The following PDE1C variants were observed in gnomAD, a reference collection of about 807,000 sequenced individuals.
The protein encoded by PDE1C is phosphodiesterase 1C.
PDE1C carries 62 observed loss-of-function variants against 93.1 expected under a neutral mutation model. The observed-to-expected ratio is 0.67, with a 90% confidence interval of 0.54 to 0.82. PDE1C has a LOEUF of 0.82. Ranked by LOEUF, PDE1C falls within the 40% of genes least tolerant of loss-of-function variation. PDE1C has a pLI of 0.00. For synonymous variants in PDE1C, 325 were observed against 310.1 expected (o/e 1.05, Z -0.50); for missense variants, 742 against 884.6 (o/e 0.84, Z 2.04).
At chr7:32,373,923 G>T (rs927728228) in intron 1 of PDE1C, among the ~76,000 whole-genome samples, 4 of 152,158 alleles carry the variant, frequency 2.6e-5, no homozygotes, top group Non-Finnish European at 5.9e-5. Flanking sequence ...GAAGGCAGAG[G>T]TTGCAGTGAG....
At chr7:32,299,044 G>T (rs938889008) in exon 1 of PDE1C, 3 of 1,151,164 alleles carry the variant, frequency 2.6e-6, no homozygotes, top group Non-Finnish European at 3.2e-6. Context: ...GCGCGTGGAC[G>T]GGGCTGACCG....
chr7:32,316,703 C>T (rs1783179843), intron 1 of PDE1C, among the ~76,000 whole-genome samples: 1 of 152,104 alleles, frequency 6.6e-6, no homozygotes, highest in African/African-American at 2.4e-5. Flanking sequence ...AAAAACTCTA[C>T]CAGAGAATCA....
At chr7:31,695,051 C>T in the PDE1C span, among the ~76,000 whole-genome samples, 1 of 152,108 alleles carries the variant, frequency 6.6e-6, no homozygotes, top group South Asian at 2.1e-4. Flanking sequence ...TTTCTAAGAT[C>T]GAGGGAGATT....
chr7:32,328,512 C>T (rs1019802219), intron 1 of PDE1C, among the ~76,000 whole-genome samples: 2 of 152,154 alleles, frequency 1.3e-5, no homozygotes, highest in Non-Finnish European at 2.9e-5. Context: ...ACCAACCACG[C>T]TCCATGTTCA....
the PDE1C span, chr7:31,686,877 A>C: frequency 1.1e-4 from 16 of 152,284 alleles, no homozygotes; most frequent in African/African-American, 3.8e-4. Context: ...TAGCTTTGAG[A>C]GTCGAAATTA....
intron 1 of PDE1C, among the ~76,000 whole-genome samples, chr7:32,341,820 G>A (rs2128080319): frequency 6.6e-6 from 1 of 152,286 alleles, no homozygotes; most frequent in East Asian, 1.9e-4. Flanking sequence ...TGGTGGTTGG[G>A]CTCAAGAATT....
the PDE1C span, among the ~76,000 whole-genome samples, chr7:31,646,470 A>T: frequency 6.6e-6 from 1 of 152,072 alleles, no homozygotes; most frequent in Non-Finnish European, 1.5e-5. Flanking sequence ...CTGGGGGAAA[A>T]GGCACAGGAA....
chr7:31,934,577 C>T (rs1804767395), intron 2 of PDE1C, among the ~76,000 whole-genome samples: 1 of 137,218 alleles, frequency 7.3e-6, no homozygotes, highest in African/African-American at 2.6e-5. Context: ...AAAAAAAAAT[C>T]ACACTAGCTT....
chr7:31,784,078 C>T (rs1783667402), intron 16 of PDE1C: 2 of 152,102 alleles, frequency 1.3e-5, no homozygotes, highest in South Asian at 4.1e-4. Context: ...TTGAGTCTTG[C>T]TAAATGTTCT....
chr7:32,337,628 C>T (rs868733464), intron 1 of PDE1C, among the ~76,000 whole-genome samples: 2 of 151,684 alleles, frequency 1.3e-5, no homozygotes, highest in Non-Finnish European at 2.9e-5. Flanking sequence ...GCTTAGAGTC[C>T]AGCATCAGGG....
intron 1 of PDE1C, among the ~76,000 whole-genome samples, chr7:32,237,701 A>G (rs1404014316): frequency 6.7e-6 from 1 of 148,668 alleles, no homozygotes; most frequent in Non-Finnish European, 1.5e-5. Context: ...TTTAAGGTCA[A>G]TAATGAAATA....
chr7:32,060,224 T>A (rs954136192), intron 1 of PDE1C, among the ~76,000 whole-genome samples: 5 of 152,214 alleles, frequency 3.3e-5, no homozygotes, highest in African/African-American at 1.2e-4. Context: ...AACTGTAATC[T>A]TCTGCTGAAT....
chr7:32,130,216 C>T (rs1799840885), intron 3 of PDE1C, among the ~76,000 whole-genome samples: 1 of 152,064 alleles, frequency 6.6e-6, no homozygotes, highest in African/African-American at 2.4e-5. Flanking sequence ...AACTATCTTT[C>T]CCTCTCACTG....
At chr7:31,653,936 C>A in the PDE1C span, among the ~76,000 whole-genome samples, 2 of 151,732 alleles carry the variant, frequency 1.3e-5, no homozygotes, top group African/African-American at 2.4e-5. Context: ...GTCAGGCAGC[C>A]AGTGGGAGTA....
chr7:31,989,371 A>G (rs1328836958), intron 2 of PDE1C, among the ~76,000 whole-genome samples: 3 of 152,098 alleles, frequency 2.0e-5, no homozygotes, highest in Non-Finnish European at 2.9e-5. Context: ...ACTGCCAGCT[A>G]CTTGTTTTCA....
intron 2 of PDE1C, among the ~76,000 whole-genome samples, chr7:31,937,719 T>C (rs966697010): frequency 6.6e-6 from 1 of 152,188 alleles, no homozygotes; most frequent in Non-Finnish European, 1.5e-5. Context: ...GGACTATTCA[T>C]TGCCTTTAAA....
intron 3 of PDE1C, among the ~76,000 whole-genome samples, chr7:32,115,574 T>C (rs531471614): frequency 2.0e-5 from 3 of 152,266 alleles, no homozygotes; most frequent in East Asian, 3.9e-4. Context: ...CCATGGCACA[T>C]GTATACCTAT....
chr7:32,105,463 T>C lies in PDE1C; in HGVS notation c.308+64322A>G, dbSNP rs555747384. Among the ~76,000 whole-genome samples, 15 of 152,278 alleles carry C rather than the reference T, an allele frequency of 9.9e-5. No homozygotes were observed. The East Asian group carries it at 2.7e-3, about 27-fold the overall frequency. Reference sequence around the variant, plus strand: ...TCAGATATCTAGATTCAGTGACCTATTCCACCTAGATAGACAATTTCCTTA... The same window carrying C: ...TCAGATATCTAGATTCAGTGACCTACTCCACCTAGATAGACAATTTCCTTA... On this transcript the variant is annotated intron_variant, in intron 3 of 18. Coordinates refer to the PDE1C transcript ENST00000396193.
At chr7:32,176,910 T>G (rs540997128) in intron 2 of PDE1C, among the ~76,000 whole-genome samples, 8 of 152,292 alleles carry the variant, frequency 5.3e-5, no homozygotes, top group African/African-American at 1.7e-4. Context: ...AAGCCTGTTG[T>G]GTTAGATTTG....
Sources: allele counts gnomAD v4.1 joint callset (sites outside exome capture counted in the v4.1 genomes callset), GRCh38; gene constraint gnomAD v4.1.1; transcripts MANE v1.5; gene names NCBI Gene and HGNC (gene_info 2026-07-23, HGNC 2026-07-21).